Variants in ERBB4 observed in about 807,000 individuals in gnomAD.
ERBB4 encodes receptor tyrosine-protein kinase erbB-4.
Under a neutral mutation model 158.0 loss-of-function variants are expected in ERBB4, and 42 were observed. That is an observed-to-expected ratio of 0.27 (90% CI 0.21 to 0.34). ERBB4 has a LOEUF of 0.34. Among genes scored for constraint, ERBB4 ranks in the 10% least tolerant of loss-of-function variants. The pLI, the probability that ERBB4 is intolerant of heterozygous loss-of-function variation, is 1.00. For synonymous variants in ERBB4, 583 were observed against 558.7 expected, an observed-to-expected ratio of 1.04 and a Z score of -0.61; for missense variants, 1,333 against 1,624.1, an observed-to-expected ratio of 0.82 and a Z score of 3.08.
intron 12 of ERBB4, among the ~76,000 whole-genome samples, chr2:211,693,637 A>T (rs929081697): frequency 1.3e-5 from 2 of 152,180 alleles, no homozygotes; most frequent in Admixed American, 6.6e-5. Context: ...TCCCACAGGC[A>T]TCTGTCTCAG....
intron 1 of ERBB4, among the ~76,000 whole-genome samples, chr2:212,357,941 T>C (rs1409075322): frequency 6.6e-6 from 1 of 151,910 alleles, no homozygotes; most frequent in African/African-American, 2.4e-5. Context: ...CAGAATCATC[T>C]TTAGATTACT....
chr2:212,536,821 G>A lies in ERBB4; in HGVS notation c.82+1628C>T, dbSNP rs143004098. ...AGGTCGCCTCGTAGAAATTCCTCTC[G>A]GCTAAGCCTGCATGTCGGTCGCCAA... is the stretch of plus-strand genomic sequence containing the variant. On this transcript the variant is annotated intron_variant, in intron 1 of 27. Coordinates refer to ENST00000342788, the MANE Select transcript of ERBB4 (RefSeq NM_005235.3). Among the ~76,000 whole-genome samples, 5 of 152,208 alleles carry A rather than the reference G, an allele frequency of 3.3e-5. No individual in the cohort carries two copies. In the South Asian group the frequency reaches 1.0e-3, roughly 32 times the overall value.
intron 2 of ERBB4, among the ~76,000 whole-genome samples, chr2:212,001,464 T>C (rs1222428552): frequency 6.6e-6 from 1 of 152,176 alleles, no homozygotes; most frequent in Non-Finnish European, 1.5e-5. Context: ...CATTAATCAA[T>C]GTCACTTGTG....
intron 6 of ERBB4, among the ~76,000 whole-genome samples, chr2:211,723,224 C>T (rs1442608388): frequency 6.6e-6 from 1 of 152,030 alleles, no homozygotes; most frequent in South Asian, 2.1e-4. Flanking sequence ...ATTCATAACT[C>T]AATTTATTAA....
chr2:212,267,938 G>A (rs2085208813), intron 1 of ERBB4, among the ~76,000 whole-genome samples: 1 of 151,862 alleles, frequency 6.6e-6, no homozygotes, highest in African/African-American at 2.4e-5. Context: ...TATTTTGGGA[G>A]ATGACCATAT....
chr2:211,541,136 CTT>C (rs2125683196), intron 20 of ERBB4, among the ~76,000 whole-genome samples: 2 of 151,950 alleles, frequency 1.3e-5, no homozygotes, highest in East Asian at 3.9e-4. Context: ...TTTAAAGTCT[CTT>C]TGATCAAATA....
At chr2:211,959,437 T>C (rs1412052118) in intron 2 of ERBB4, among the ~76,000 whole-genome samples, 2 of 152,118 alleles carry the variant, frequency 1.3e-5, no homozygotes, top group African/African-American at 4.8e-5. Flanking sequence ...CATCTAATCT[T>C]ATTATAAAGC....
chr2:211,845,772 A>G (rs373279191), intron 3 of ERBB4, among the ~76,000 whole-genome samples: 1 of 152,268 alleles, frequency 6.6e-6, no homozygotes, highest in East Asian at 1.9e-4. Flanking sequence ...GTACTCATCT[A>G]TTACAACTTG....
Position 211,657,824 on chromosome 2 carries a change from T to G in ERBB4, c.1876A>C (p.Asn626His). 1 of 1,613,772 alleles carries G rather than the reference T, an allele frequency of 6.2e-7. No individual in the cohort carries two copies. The highest frequency in any genetic ancestry group is 2.2e-5 in the East Asian group (1 of 44,840). The change falls in exon 16 of 28, where the codon AAC becomes CAC. Residue 626 changes from asparagine (N) to histidine (H), a missense_variant. By Grantham distance (68) the Asn-to-His change is moderately conservative. Around this residue, in one of 5 missense-constraint regions of ERBB4, gnomAD observed 245 missense variants for 247.5 expected, o/e 0.99. Coordinates refer to ENST00000342788, the MANE Select transcript of ERBB4 (RefSeq NM_005235.3). ...PCHPNCTQGCNGPTSHDCIYY... is the reference protein window; with the variant it reads ...PCHPNCTQGCHGPTSHDCIYY... ...ATGCAGTCATGACTAGTGGGACCGT[T>G]ACACCTGCAGGCAATTACAGAACAG...
chr2:211,475,302 A>G (rs1168294729), intron 20 of ERBB4, among the ~76,000 whole-genome samples: 2 of 152,012 alleles, frequency 1.3e-5, no homozygotes, highest in Non-Finnish European at 2.9e-5. Context: ...TATTGTTATA[A>G]ATTTCTGCGA....
intron 20 of ERBB4, among the ~76,000 whole-genome samples, chr2:211,446,512 T>C (rs1423861450): frequency 6.6e-6 from 1 of 152,172 alleles, no homozygotes; most frequent in Non-Finnish European, 1.5e-5. Context: ...GTAAAGTCTT[T>C]TTAAAAACTC....
chr2:211,445,390 G>C (rs1335700839), intron 20 of ERBB4, among the ~76,000 whole-genome samples: 1 of 152,120 alleles, frequency 6.6e-6, no homozygotes, highest in Admixed American at 6.6e-5. Flanking sequence ...TAAACCATAA[G>C]AGAGCATGAG....
intron 1 of ERBB4, among the ~76,000 whole-genome samples, chr2:212,402,610 T>C (rs2091239713): frequency 6.6e-6 from 1 of 152,110 alleles, no homozygotes; most frequent in Admixed American, 6.6e-5. Context: ...GAGCAAAATG[T>C]ACAAGGGCTT....
chr2:211,935,426 G>C (rs1269672311), intron 3 of ERBB4, among the ~76,000 whole-genome samples: 1 of 152,164 alleles, frequency 6.6e-6, no homozygotes, highest in Non-Finnish European at 1.5e-5. Context: ...ACAGAGGAAA[G>C]GTGAATACAT....
chr2:211,709,573 G>A (rs896456792), intron 9 of ERBB4, among the ~76,000 whole-genome samples: 1 of 151,974 alleles, frequency 6.6e-6, no homozygotes, highest in Non-Finnish European at 1.5e-5. Context: ...TGGCACATCT[G>A]GAGAGCTGTT....
At chr2:212,521,971 TATATTCACAA>T in intron 1 of ERBB4, among the ~76,000 whole-genome samples, 1 of 152,100 alleles carries the variant, frequency 6.6e-6, no homozygotes, top group East Asian at 1.9e-4. Flanking sequence ...CCATATTTGA[TATATTCACAA>T]ATATTCCTGG....
intron 1 of ERBB4, among the ~76,000 whole-genome samples, chr2:212,334,037 T>C (rs889236709): frequency 2.0e-5 from 3 of 152,064 alleles, no homozygotes; most frequent in Non-Finnish European, 4.4e-5. Context: ...ATACCATCTT[T>C]CAATTTATAA....
intron 1 of ERBB4, among the ~76,000 whole-genome samples, chr2:212,289,949 T>C (rs1473735848): frequency 6.6e-6 from 1 of 152,116 alleles, no homozygotes. Flanking sequence ...AATATGAAAA[T>C]ATAAGGAAAA....
At chr2:211,513,393 A>T (rs1440626629) in intron 20 of ERBB4, among the ~76,000 whole-genome samples, 1 of 149,094 alleles carries the variant, frequency 6.7e-6, no homozygotes, top group Non-Finnish European at 1.5e-5. Flanking sequence ...AAAAACACTG[A>T]TCCTAGAAGA....
Sources: allele counts gnomAD v4.1 joint callset (sites outside exome capture counted in the v4.1 genomes callset), GRCh38; gene constraint gnomAD v4.1.1; regional missense constraint gnomAD v4.1.1; transcripts MANE v1.5; gene names NCBI Gene and HGNC (gene_info 2026-07-23, HGNC 2026-07-21).